RABGAP1L: variants seen among roughly 807,000 people sequenced by gnomAD.
The protein encoded by RABGAP1L is RAB GTPase activating protein 1 like, also known as rab GTPase-activating protein 1-like.
A neutral mutation model predicts 137.7 loss-of-function variants in RABGAP1L; 63 were observed. That is an observed-to-expected ratio of 0.46 (90% confidence interval 0.37 to 0.56). The LOEUF is 0.56. Ranked by LOEUF, RABGAP1L falls within the 20% of genes least tolerant of loss-of-function variation. RABGAP1L has a pLI of 0.00. For missense variants in RABGAP1L, 1,095 were observed against 1,244.0 expected (o/e 0.88, Z 1.80); for synonymous variants, 431 against 433.7 (o/e 0.99, Z 0.08).
At chr1:174,334,983 T>C (rs2148874911) in intron 11 of RABGAP1L, among the ~76,000 whole-genome samples, 1 of 152,254 alleles carries the variant, frequency 6.6e-6, no homozygotes, top group Non-Finnish European at 1.5e-5. Flanking sequence ...AGTCACTGAA[T>C]TTTTGTTTTT....
chr1:174,852,930 A>G (rs1648623363), intron 19 of RABGAP1L, among the ~76,000 whole-genome samples: 1 of 152,176 alleles, frequency 6.6e-6, no homozygotes, highest in Non-Finnish European at 1.5e-5. Flanking sequence ...TATTGTTAGG[A>G]TAATCAAGTT....
At chr1:174,197,787 C>A (rs961892682) in intron 1 of RABGAP1L, among the ~76,000 whole-genome samples, 1 of 150,996 alleles carries the variant, frequency 6.6e-6, no homozygotes, top group Admixed American at 6.6e-5. Context: ...GTAACGAGAG[C>A]GAAACTCCGT....
chr1:174,769,198 A>G, intron 18 of RABGAP1L, among the ~76,000 whole-genome samples: 1 of 152,144 alleles, frequency 6.6e-6, no homozygotes, highest in East Asian at 1.9e-4. Context: ...GATTTTCCCA[A>G]GGTAGTTTGG....
intron 18 of RABGAP1L, among the ~76,000 whole-genome samples, chr1:174,797,409 A>G (rs1252127076): frequency 6.6e-6 from 1 of 151,932 alleles, no homozygotes; most frequent in Non-Finnish European, 1.5e-5. Context: ...TTAATGCAGA[A>G]CACCAGTATA....
At chr1:174,555,007 A>G (rs1666785454) in intron 13 of RABGAP1L, among the ~76,000 whole-genome samples, 1 of 118,710 alleles carries the variant, frequency 8.4e-6, no homozygotes, top group African/African-American at 4.7e-5. Flanking sequence ...AGAATAAGCA[A>G]AAGGATGGCT....
At chr1:174,786,909 C>T (rs1687484926) in intron 18 of RABGAP1L, among the ~76,000 whole-genome samples, 1 of 152,146 alleles carries the variant, frequency 6.6e-6, no homozygotes, top group Non-Finnish European at 1.5e-5. Flanking sequence ...TAAATGATCT[C>T]TGACCACAGT....
At position 174,633,765 on chromosome 1, in the gene RABGAP1L, G is replaced by C. The variant is rs1354223399; in HGVS notation, c.1711-3610G>C. Among the ~76,000 whole-genome samples the C allele has an allele frequency of 1.3e-4, 19 of 141,592 alleles. No homozygotes were observed. In the East Asian group the frequency reaches 3.5e-3, roughly 26 times the overall value. The allele number at this position is 141,592 out of a possible 152,430, so 92.9% of individuals were successfully genotyped here. A position where few individuals can be genotyped will look rare whatever the true frequency, so the allele number is the denominator to read the frequency against. ...ACTATCTGATCTTTGACAAACCTGA[G>C]AAAAACAAGCAGTGGGGAAAGGATT... is the stretch of plus-strand genomic sequence containing the variant. On this transcript the variant is annotated intron_variant, in intron 13 of 25. Coordinates refer to ENST00000681986, the MANE Select transcript of RABGAP1L (RefSeq NM_001366446.1).
chr1:174,298,157 C>T (rs1336999598), intron 10 of RABGAP1L, among the ~76,000 whole-genome samples: 3 of 152,154 alleles, frequency 2.0e-5, no homozygotes, highest in Non-Finnish European at 1.5e-5. Flanking sequence ...GGGGAGCAGG[C>T]GTCCCTGGTT....
At chr1:174,395,811 T>C (rs1647768991) in intron 13 of RABGAP1L, among the ~76,000 whole-genome samples, 1 of 147,540 alleles carries the variant, frequency 6.8e-6, no homozygotes, top group African/African-American at 2.5e-5. Context: ...ACACTTTGGC[T>C]TGGGCAACAT....
intron 20 of RABGAP1L, among the ~76,000 whole-genome samples, chr1:174,961,845 C>CAAAAA (rs61233451): frequency 2.5e-4 from 22 of 88,730 alleles, no homozygotes; most frequent in Non-Finnish European, 4.7e-4. Flanking sequence ...GACTCTGTCT[C>CAAAAA]AAAAAAAAAA....
chr1:174,420,892 G>A (rs907868101), intron 13 of RABGAP1L, among the ~76,000 whole-genome samples: 21 of 152,028 alleles, frequency 1.4e-4, no homozygotes, highest in Non-Finnish European at 5.9e-5. Context: ...CGCCAGGATG[G>A]TCTCGATCTC....
chr1:174,761,455 G>A lies in RABGAP1L; in HGVS notation c.2211+9101G>A, dbSNP rs1393300831. On this transcript the variant is annotated intron_variant, in intron 18 of 25. Coordinates refer to ENST00000681986, the MANE Select transcript of RABGAP1L (RefSeq NM_001366446.1). This position sits in a 1 kb window ranked among gnomAD's most constrained non-coding sequence, Gnocchi z 4.0. ...TCCTCAGTTTTCAGACGGTGCAGCC[G>A]CCAGGCAGAGGTGCTCCTCACTTCC... is the stretch of plus-strand genomic sequence containing the variant. 1.3e-5 allele frequency among the ~76,000 whole-genome samples: 2 copies of A among 152,162 alleles called. No homozygotes were observed. Among genetic ancestry groups the A allele is most frequent in the African/African-American group, 4.8e-5 (2 of 41,518 alleles).
intron 13 of RABGAP1L, among the ~76,000 whole-genome samples, chr1:174,535,516 A>G (rs1664823108): frequency 6.6e-6 from 1 of 152,184 alleles, no homozygotes; most frequent in African/African-American, 2.4e-5. Flanking sequence ...TAGAAGCTGC[A>G]CTTTTTGCCT....
At chr1:174,303,278 T>TAA (rs796210366) in intron 10 of RABGAP1L, among the ~76,000 whole-genome samples, 2 of 147,664 alleles carry the variant, frequency 1.4e-5, no homozygotes, top group African/African-American at 4.9e-5. Flanking sequence ...TTGTGAACCT[T>TAA]AAAAAAAAAA....
intron 13 of RABGAP1L, among the ~76,000 whole-genome samples, chr1:174,403,024 C>A (rs552454848): frequency 6.6e-6 from 1 of 152,044 alleles, no homozygotes; most frequent in South Asian, 2.1e-4. Flanking sequence ...GTTGTGTGGT[C>A]TTTTGTAAAA....
At chr1:174,905,841 ACT>A (rs1658972916) in intron 19 of RABGAP1L, among the ~76,000 whole-genome samples, 1 of 151,820 alleles carries the variant, frequency 6.6e-6, no homozygotes, top group Non-Finnish European at 1.5e-5. Flanking sequence ...ACAGAGTGAG[ACT>A]CTGTCTAAAA....
chr1:174,952,507 T>C (rs1454870950), intron 19 of RABGAP1L, among the ~76,000 whole-genome samples: 2 of 151,560 alleles, frequency 1.3e-5, no homozygotes, highest in Non-Finnish European at 2.9e-5. Context: ...CAAGACCCTG[T>C]CTCTTAAAAA....
intron 13 of RABGAP1L, among the ~76,000 whole-genome samples, chr1:174,557,182 G>T (rs901590022): frequency 6.6e-6 from 1 of 152,182 alleles, no homozygotes; most frequent in Non-Finnish European, 1.5e-5. Flanking sequence ...TAGCTTGGAG[G>T]TTCCACTCAA....
chr1:174,941,897 AT>A (rs1665951720), intron 19 of RABGAP1L, among the ~76,000 whole-genome samples: 1 of 152,174 alleles, frequency 6.6e-6, no homozygotes, highest in African/African-American at 2.4e-5. Context: ...TTTAAAATTT[AT>A]TGTAAGTTTC....
Sources: gnomAD v4.1 joint callset for allele counts (sites outside exome capture counted in the v4.1 genomes callset) on GRCh38, gnomAD v4.1.1 for gene constraint, Gnocchi (gnomAD v3.1) non-coding constraint, MANE v1.5 for transcripts, NCBI Gene and HGNC (gene_info 2026-07-23, HGNC 2026-07-21) for gene names.